CCDC178: variants seen among roughly 807,000 people sequenced by gnomAD.
CCDC178 encodes coiled-coil domain-containing protein 178.
Under a neutral mutation model 117.4 loss-of-function variants are expected in CCDC178, and 126 were observed. That is an observed-to-expected ratio of 1.07 (90% confidence interval 0.93 to 1.24). The LOEUF is 1.24. Ranked by LOEUF, CCDC178 falls within the 50% of genes most tolerant of loss-of-function variation. The probability of loss-of-function intolerance (pLI) is 0.00; values close to 1 mark genes in which losing one functional copy is unlikely to be tolerated. For synonymous variants in CCDC178, 283 were observed against 313.4 expected (o/e 0.90, Z 1.02); for missense variants, 1,030 against 986.9 (o/e 1.04, Z -0.59).
chr18:33,109,950 T>C (rs1244081264), intron 20 of CCDC178, among the ~76,000 whole-genome samples: 1 of 151,520 alleles, frequency 6.6e-6, no homozygotes, highest in Non-Finnish European at 1.5e-5. Context: ...TTGCTGCACA[T>C]GTGCTCTAAT....
At chr18:32,938,223 T>C in intron 22 of CCDC178, 132 bp from the exon 23 acceptor site, 1 of 646,890 alleles carries the variant, frequency 1.5e-6, no homozygotes, top group Non-Finnish European at 2.7e-6. Flanking sequence ...TACATTCTCC[T>C]TTATAGGAGA....
At chr18:33,174,695 T>C (rs2058642750) in intron 20 of CCDC178, among the ~76,000 whole-genome samples, 1 of 152,220 alleles carries the variant, frequency 6.6e-6, no homozygotes, top group African/African-American at 2.4e-5. Context: ...TTCATAGTCT[T>C]GATTTTATCA....
chr18:33,002,360 A>C (rs961747396), intron 21 of CCDC178, among the ~76,000 whole-genome samples: 15 of 152,152 alleles, frequency 9.9e-5, no homozygotes, highest in Non-Finnish European at 2.1e-4. Flanking sequence ...TGAAAAAAAA[A>C]ACTAGAAATT....
At chr18:33,039,031 T>C (rs1027584051) in intron 21 of CCDC178, among the ~76,000 whole-genome samples, 1 of 151,966 alleles carries the variant, frequency 6.6e-6, no homozygotes, top group African/African-American at 2.4e-5. Flanking sequence ...AAGATATGTA[T>C]AAAGTATTTT....
In CCDC178 at chr18:33,287,048, T is replaced by C. The variant is rs115769610; in HGVS notation, c.1176+6111A>G. On this transcript the variant is annotated intron_variant, in intron 12 of 22. Transcript: ENST00000383096. ...GAGGTTTTCTGGCTAACAAAGGCCA[T>C]TGTTTTTAGAAATGAAAAGGAAACA... Among the ~76,000 whole-genome samples, 1,107 of 149,954 alleles carry C rather than the reference T, an allele frequency of 7.4e-3. 8 individuals are homozygous for C. The highest frequency in any genetic ancestry group is 0.026 in the African/African-American group (1,059 of 40,774).
chr18:32,961,999 C>CT (rs71177897), intron 22 of CCDC178, among the ~76,000 whole-genome samples: 138,904 of 148,842 alleles, frequency 0.93, 65,230 homozygotes, highest in Non-Finnish European at 0.99. Flanking sequence ...TCTTTACTGT[C>CT]TTTTTTTTTA....
At chr18:33,435,171 AT>A (rs1433098656) in intron 2 of CCDC178, among the ~76,000 whole-genome samples, 1 of 152,122 alleles carries the variant, frequency 6.6e-6, no homozygotes, top group Non-Finnish European at 1.5e-5. Context: ...AGTTAATTAT[AT>A]TTTTTAAAAA....
chr18:33,077,282 G>C (rs1260083687), intron 21 of CCDC178, among the ~76,000 whole-genome samples: 1 of 152,150 alleles, frequency 6.6e-6, no homozygotes, highest in East Asian at 1.9e-4. Flanking sequence ...TACAAGTAGA[G>C]TAGCCTAAAA....
At chr18:33,170,769 T>C (rs1158136845) in intron 20 of CCDC178, among the ~76,000 whole-genome samples, 1 of 152,194 alleles carries the variant, frequency 6.6e-6, no homozygotes, top group Non-Finnish European at 1.5e-5. Context: ...AGTTTTTCTA[T>C]CCTAAAAGCA....
At chr18:33,252,333 T>C (rs992683644) in intron 14 of CCDC178, among the ~76,000 whole-genome samples, 2 of 151,720 alleles carry the variant, frequency 1.3e-5, no homozygotes, top group African/African-American at 4.8e-5. Flanking sequence ...GAATAGAAAG[T>C]ATAATTTATT....
intron 20 of CCDC178, among the ~76,000 whole-genome samples, chr18:33,128,356 C>G (rs139003621): frequency 2.2e-4 from 33 of 152,208 alleles, no homozygotes; most frequent in African/African-American, 7.7e-4. Flanking sequence ...GAGTTACAGA[C>G]CCTTTAGAGA....
chr18:33,394,726 C>A (rs2063608373), intron 4 of CCDC178, among the ~76,000 whole-genome samples: 1 of 150,594 alleles, frequency 6.6e-6, no homozygotes, highest in African/African-American at 2.4e-5. Flanking sequence ...AATAATATGT[C>A]CTAAAGCACA....
chr18:33,076,231 C>T (rs542431952), intron 21 of CCDC178, among the ~76,000 whole-genome samples: 61 of 152,314 alleles, frequency 4.0e-4, no homozygotes, highest in Middle Eastern at 3.4e-3. Flanking sequence ...TCAGTCCCGA[C>T]AATCACTTCA....
chr18:33,079,315 A>G (rs1211840680), intron 21 of CCDC178, among the ~76,000 whole-genome samples: 1 of 152,194 alleles, frequency 6.6e-6, no homozygotes, highest in Non-Finnish European at 1.5e-5. Context: ...ATCCAAACCT[A>G]TAAAAACCCT....
intron 18 of CCDC178, among the ~76,000 whole-genome samples, chr18:33,216,285 G>C (rs2059164195): frequency 6.6e-6 from 1 of 152,086 alleles, no homozygotes; most frequent in South Asian, 2.1e-4. Flanking sequence ...TGTACAAAGT[G>C]CATTGGCAGG....
intron 14 of CCDC178, among the ~76,000 whole-genome samples, chr18:33,254,790 C>G (rs1005083666): frequency 2.6e-5 from 4 of 151,944 alleles, no homozygotes; most frequent in Non-Finnish European, 5.9e-5. Flanking sequence ...ATATTGGAGA[C>G]CAAACTGAAG....
intron 16 of CCDC178, among the ~76,000 whole-genome samples, chr18:33,226,086 G>A (rs969528548): frequency 5.9e-5 from 9 of 152,286 alleles, no homozygotes; most frequent in African/African-American, 2.2e-4. Flanking sequence ...ACTTGAACCT[G>A]GGAGGCAGAG....
intron 15 of CCDC178, among the ~76,000 whole-genome samples, chr18:33,243,531 C>G (rs2059512700): frequency 6.6e-6 from 1 of 151,266 alleles, no homozygotes; most frequent in African/African-American, 2.4e-5. Flanking sequence ...TATTATATGT[C>G]AATTTAAAAA....
chr18:33,257,097 C>T (rs1220871878), intron 14 of CCDC178, among the ~76,000 whole-genome samples: 1 of 151,706 alleles, frequency 6.6e-6, no homozygotes, highest in Non-Finnish European at 1.5e-5. Flanking sequence ...TTTTAAAAGC[C>T]TTACTTTTTG....
Sources: allele counts gnomAD v4.1 joint callset (sites outside exome capture counted in the v4.1 genomes callset), GRCh38; gene constraint gnomAD v4.1.1; transcripts MANE v1.5; gene names NCBI Gene and HGNC (gene_info 2026-07-23, HGNC 2026-07-21).